RCSD1: variants seen among roughly 807,000 people sequenced by gnomAD.
The protein encoded by RCSD1 is RCSD domain containing 1, also known as capZ-interacting protein.
In RCSD1, 26 loss-of-function variants were observed where a neutral mutation model predicts 42.5. The ratio of observed to expected loss-of-function variants is 0.61; its 90% CI spans 0.45 to 0.85. The LOEUF is 0.85. Ranked by LOEUF, RCSD1 falls within the 40% of genes least tolerant of loss-of-function variation. RCSD1 has a pLI of 0.00. For missense variants in RCSD1, 571 were observed against 528.3 expected, an observed-to-expected ratio of 1.08 and a Z score of -0.79; for synonymous variants, 220 against 212.2, an observed-to-expected ratio of 1.04 and a Z score of -0.32.
intron 1 of RCSD1, among the ~76,000 whole-genome samples, chr1:167,677,443 G>A (rs1658979102): frequency 6.6e-6 from 1 of 152,220 alleles, no homozygotes; most frequent in Non-Finnish European, 1.5e-5. Flanking sequence ...CCAAAGTTAA[G>A]CATGTGCCCC....
At chr1:167,682,994 C>T (rs976445645) in intron 1 of RCSD1, among the ~76,000 whole-genome samples, 7 of 152,148 alleles carry the variant, frequency 4.6e-5, no homozygotes, top group African/African-American at 7.2e-5. Context: ...AAGGCAGAAA[C>T]GAACTGGCCA....
chr1:167,637,931 C>A (rs137974391), intron 1 of RCSD1, among the ~76,000 whole-genome samples: 1 of 152,226 alleles, frequency 6.6e-6, no homozygotes, highest in Non-Finnish European at 1.5e-5. Context: ...CCACATGCAT[C>A]AGCCCAAACC....
chr1:167,630,260 C>A lies in RCSD1; in HGVS notation c.-164C>A. The A allele has an allele frequency of 2.3e-6, 1 of 428,840 alleles. No homozygotes were observed. Among genetic ancestry groups the A allele is most frequent in the Non-Finnish European group, 3.2e-6 (1 of 308,410 alleles). 26.6% of individuals were successfully genotyped at this position (428,840 alleles called of 1,614,324 possible). On this transcript the variant is annotated 5_prime_UTR_variant, in exon 1 of 7. Transcript: ENST00000367854. ...TCGCGCAGGGCCCCCGCGGCCGGGG[C>A]AGTCCCGCAGCCGAGCGCAGCCGGG...
intron 1 of RCSD1, among the ~76,000 whole-genome samples, chr1:167,680,420 G>A (rs1173714225): frequency 6.6e-6 from 1 of 151,972 alleles, no homozygotes; most frequent in Non-Finnish European, 1.5e-5. Flanking sequence ...AGGAGGAGGA[G>A]GAGGAAGAAA....
At chr1:167,673,686 A>G (rs1250561454) in intron 1 of RCSD1, among the ~76,000 whole-genome samples, 1 of 152,230 alleles carries the variant, frequency 6.6e-6, no homozygotes, top group African/African-American at 2.4e-5. Flanking sequence ...TACTCTGGAC[A>G]AGCCACATCT....
intron 1 of RCSD1, among the ~76,000 whole-genome samples, chr1:167,673,849 C>G (rs940042650): frequency 7.9e-5 from 12 of 152,342 alleles, no homozygotes; most frequent in Admixed American, 7.2e-4. Context: ...TGCCCACCTT[C>G]TCTCCTAGCA....
At chr1:167,665,399 A>G (rs375198617) in intron 1 of RCSD1, among the ~76,000 whole-genome samples, 1 of 152,202 alleles carries the variant, frequency 6.6e-6, no homozygotes, top group African/African-American at 2.4e-5. Flanking sequence ...TAGGTCTCAG[A>G]TATTAATAAT....
At chr1:167,636,400 C>T (rs1657851280) in intron 1 of RCSD1, among the ~76,000 whole-genome samples, 1 of 152,178 alleles carries the variant, frequency 6.6e-6, no homozygotes. Context: ...CAGACATTAT[C>T]TCCAGCCAAA....
At chr1:167,663,199 A>G (rs1313210697) in intron 1 of RCSD1, among the ~76,000 whole-genome samples, 1 of 152,104 alleles carries the variant, frequency 6.6e-6, no homozygotes, top group Non-Finnish European at 1.5e-5. Context: ...TCCCTAGACC[A>G]TTGTGTTCCC....
rs767780282 is a variant in RCSD1 at position 167,697,780 on chromosome 1, G to T, written c.1156G>T (p.Gly386Cys). The T allele has an allele frequency of 1.3e-6, 2 of 1,493,236 alleles. No individual in the cohort carries two copies. Among genetic ancestry groups the T allele is most frequent in the South Asian group, 2.8e-5 (2 of 71,346 alleles). 92.5% of individuals were successfully genotyped at this position (1,493,236 alleles called of 1,614,324 possible). ...VLEPGCSPQT[G>C]PAQLETSSEV... ...CGAGCCAGGCTGCAGCCCCCAGACC[G>T]GCCCTGCCCAGCTGGAGACCAGCAG... The change falls in exon 6 of 7, where the codon GGC becomes TGC. Residue 386 changes from glycine to cysteine, a missense_variant. Gly to Cys is a radical substitution (Grantham distance 159, BLOSUM62 -3). Coordinates refer to ENST00000367854, the MANE Select transcript of RCSD1 (RefSeq NM_052862.4).
intron 1 of RCSD1, among the ~76,000 whole-genome samples, chr1:167,639,018 C>T (rs1037731707): frequency 6.6e-6 from 1 of 152,130 alleles, no homozygotes; most frequent in Admixed American, 6.5e-5. Flanking sequence ...GAGATTGAGA[C>T]CATCCTGGCT....
chr1:167,694,185 C>T lies in RCSD1; in HGVS notation c.357C>T (p.His119=), dbSNP rs1451286392. ...TCAAGGCTATGGTGTCGCCATTTCA[C>T]AGCCCACCTTCTACCCCCAGCAGCC... ...PGLKAMVSPF[H]SPPSTPSSPG... The change falls in exon 5 of 7, where the codon CAC becomes CAT. Residue 119 remains histidine (H), a synonymous_variant. Coordinates refer to ENST00000367854, the MANE Select transcript of RCSD1 (RefSeq NM_052862.4). 1.4e-5 allele frequency: 22 copies of T among 1,614,232 alleles called. No individual in the cohort carries two copies. Among genetic ancestry groups the T allele is most frequent in the Non-Finnish European group, 1.7e-5 (20 of 1,180,034 alleles).
At chr1:167,685,212 T>C (rs1170978494) in intron 2 of RCSD1, among the ~76,000 whole-genome samples, 2 of 152,160 alleles carry the variant, frequency 1.3e-5, no homozygotes, top group Non-Finnish European at 2.9e-5. Context: ...AGATGGTAAA[T>C]AGAATTAATT....
At position 167,707,797 on chromosome 1, in the gene RCSD1, C is replaced by G. The variant is rs1659793108; in HGVS notation, c.*3101C>G. On this transcript the variant is annotated 3_prime_UTR_variant, in exon 7 of 7. Coordinates refer to ENST00000367854, the MANE Select transcript of RCSD1 (RefSeq NM_052862.4). ...TTCTCGTGCCTCAGCCTCCCAAGTA[C>G]TGCAGTTACTTTTGCACCAACCTAA... Among the ~76,000 whole-genome samples, 1 of 152,098 alleles carries G rather than the reference C, an allele frequency of 6.6e-6. No individual in the cohort carries two copies. Among genetic ancestry groups the G allele is most frequent in the Admixed American group, 6.5e-5 (1 of 15,268 alleles).
chr1:167,696,614 G>A (rs781147329), intron 5 of RCSD1, among the ~76,000 whole-genome samples: 1 of 151,934 alleles, frequency 6.6e-6, no homozygotes, highest in Non-Finnish European at 1.5e-5. Flanking sequence ...AGCACCCCCA[G>A]CTAATTTTTC....
chr1:167,697,354 A>G lies in RCSD1; in HGVS notation c.730A>G (p.Ser244Gly), dbSNP rs762694058. ...AAAGCCTCCTCTGAGGAGGTCACCC[A>G]GCAGGACAGAGAAGCAGGAGGAGGA... ...AEKPPLRRSP[S>G]RTEKQEEDRA... Residue 244 changes from serine to glycine, a missense_variant, in exon 6 of 7, where the codon AGC becomes GGC. Coordinates refer to ENST00000367854, the MANE Select transcript of RCSD1 (RefSeq NM_052862.4). 18 of 1,614,094 alleles carry G rather than the reference A, an allele frequency of 1.1e-5. 2 individuals are homozygous for G. In the South Asian group the frequency reaches 1.9e-4, roughly 17 times the overall value.
intron 1 of RCSD1, chr1:167,664,787 C>G (rs1213291104): frequency 6.6e-6 from 1 of 152,264 alleles, no homozygotes; most frequent in African/African-American, 2.4e-5. Flanking sequence ...CGCCTAGAAT[C>G]CCAGCACTTT....
intron 6 of RCSD1, among the ~76,000 whole-genome samples, chr1:167,702,983 G>T (rs890478720): frequency 6.6e-6 from 1 of 152,138 alleles, no homozygotes; most frequent in African/African-American, 2.4e-5. Context: ...CTAATTGCCT[G>T]ATTCAATTGC....
intron 1 of RCSD1, among the ~76,000 whole-genome samples, chr1:167,669,186 C>T (rs75377693): frequency 0.045 from 6,893 of 152,324 alleles, 512 homozygotes; most frequent in African/African-American, 0.16. Flanking sequence ...GATAATAGGG[C>T]TATCTAGAAT....
Sources: gnomAD v4.1 joint callset for allele counts (sites outside exome capture counted in the v4.1 genomes callset) on GRCh38, gnomAD v4.1.1 for gene constraint, MANE v1.5 for transcripts, NCBI Gene and HGNC (gene_info 2026-07-23, HGNC 2026-07-21) for gene names.